ZFPM2: variants seen among roughly 807,000 people sequenced by gnomAD.
ZFPM2 encodes zinc finger protein, FOG family member 2.
In ZFPM2, 20 loss-of-function variants were observed where a neutral mutation model predicts 98.6. The ratio of observed to expected loss-of-function variants is 0.20; its 90% confidence interval spans 0.14 to 0.29. The LOEUF (loss-of-function observed/expected upper bound fraction) is 0.29. Among genes scored for constraint, ZFPM2 ranks in the 10% least tolerant of loss-of-function variants. ZFPM2 has a pLI of 1.00. For missense variants in ZFPM2, 1,310 were observed against 1,388.6 expected (o/e 0.94, Z 0.90); for synonymous variants, 518 against 502.7 (o/e 1.03, Z -0.41).
At chr8:105,795,654 T>C (rs1164851227) in intron 6 of ZFPM2, 4 of 308,368 alleles carry the variant, frequency 1.3e-5, no homozygotes, top group Non-Finnish European at 2.5e-5. Flanking sequence ...TAGAACACTT[T>C]ATATGGAGAA....
At chr8:105,559,775 T>C (rs1239579642) in intron 3 of ZFPM2, among the ~76,000 whole-genome samples, 3 of 152,012 alleles carry the variant, frequency 2.0e-5, no homozygotes, top group African/African-American at 7.2e-5. Context: ...TGAACTCAGG[T>C]TGGCAGTGTT....
At chr8:105,441,840 G>A (rs1399703660) in intron 2 of ZFPM2, among the ~76,000 whole-genome samples, 1 of 152,072 alleles carries the variant, frequency 6.6e-6, no homozygotes, top group Non-Finnish European at 1.5e-5. Flanking sequence ...AGAAGCAGGA[G>A]GAGGCTCAGT....
At chr8:105,679,730 G>A (rs993255852) in intron 5 of ZFPM2, among the ~76,000 whole-genome samples, 16 of 150,756 alleles carry the variant, frequency 1.1e-4, no homozygotes, top group African/African-American at 3.7e-4. Flanking sequence ...CTGGAAAGTC[G>A]AGGCTACAGT....
At chr8:105,577,424 A>G (rs1815490257) in intron 4 of ZFPM2, among the ~76,000 whole-genome samples, 1 of 151,610 alleles carries the variant, frequency 6.6e-6, no homozygotes, top group African/African-American at 2.4e-5. Flanking sequence ...TGTTTTTCCT[A>G]TTCTTTATAC....
intron 1 of ZFPM2, among the ~76,000 whole-genome samples, chr8:105,396,494 G>A (rs1408989125): frequency 3.9e-5 from 6 of 152,154 alleles, no homozygotes; most frequent in African/African-American, 1.4e-4. Flanking sequence ...GTTTGTGGCT[G>A]TGGGAATGAA....
At chr8:105,514,923 G>C (rs2130521788) in intron 3 of ZFPM2, among the ~76,000 whole-genome samples, 2 of 152,272 alleles carry the variant, frequency 1.3e-5, no homozygotes, top group Middle Eastern at 3.4e-3. Context: ...GAATGCATCA[G>C]AGTTAATCCT....
chr8:105,333,204 C>T (rs1330976780), intron 1 of ZFPM2, among the ~76,000 whole-genome samples: 1 of 151,698 alleles, frequency 6.6e-6, no homozygotes, highest in Non-Finnish European at 1.5e-5. Flanking sequence ...TTGAATTCAA[C>T]CTTAGACCTT....
intron 6 of ZFPM2, among the ~76,000 whole-genome samples, chr8:105,792,673 T>G (rs1328551624): frequency 6.6e-6 from 1 of 152,198 alleles, no homozygotes; most frequent in African/African-American, 2.4e-5. Context: ...CTGTCTAATG[T>G]TGACAGTGGG....
intron 1 of ZFPM2, among the ~76,000 whole-genome samples, chr8:105,364,626 T>A (rs1810474124): frequency 6.6e-6 from 1 of 150,892 alleles, no homozygotes; most frequent in Non-Finnish European, 1.5e-5. Flanking sequence ...TCTTGATAAG[T>A]CTACATATAG....
At chr8:105,741,641 T>G (rs1165398368) in intron 5 of ZFPM2, among the ~76,000 whole-genome samples, 2 of 152,072 alleles carry the variant, frequency 1.3e-5, no homozygotes, top group Admixed American at 1.3e-4. Flanking sequence ...TACAATTTTC[T>G]TAGTGGATAA....
At chr8:105,734,424 T>A (rs556645714) in intron 5 of ZFPM2, among the ~76,000 whole-genome samples, 1 of 152,120 alleles carries the variant, frequency 6.6e-6, no homozygotes, top group African/African-American at 2.4e-5. Context: ...GTGTGCTGTT[T>A]CTCTTATAGA....
chr8:105,652,874 C>G (rs986231027), intron 5 of ZFPM2, among the ~76,000 whole-genome samples: 2 of 152,092 alleles, frequency 1.3e-5, no homozygotes, highest in African/African-American at 4.8e-5. Context: ...AATTCCAGAA[C>G]TAATCATATT....
chr8:105,692,995 G>A (rs1039102695), intron 5 of ZFPM2, among the ~76,000 whole-genome samples: 2 of 152,170 alleles, frequency 1.3e-5, no homozygotes, highest in African/African-American at 2.4e-5. Context: ...AAAGTAGAAC[G>A]CAGACAGAGG....
At chr8:105,661,009 G>A (rs1057426817) in intron 5 of ZFPM2, among the ~76,000 whole-genome samples, 1 of 152,114 alleles carries the variant, frequency 6.6e-6, no homozygotes, top group East Asian at 1.9e-4. Context: ...CTGGGGACCA[G>A]GTAAAAGGTG....
chr8:105,357,472 G>T (rs1812770449), intron 1 of ZFPM2, among the ~76,000 whole-genome samples: 1 of 152,108 alleles, frequency 6.6e-6, no homozygotes, highest in Non-Finnish European at 1.5e-5. Flanking sequence ...GTAAGCAGAT[G>T]GTAAGCGTTT....
intron 1 of ZFPM2, among the ~76,000 whole-genome samples, chr8:105,413,318 A>G (rs1040172931): frequency 1.3e-5 from 2 of 151,720 alleles, no homozygotes; most frequent in African/African-American, 4.8e-5. Context: ...AACTCCTTTT[A>G]CCTATCAACT....
intron 6 of ZFPM2, among the ~76,000 whole-genome samples, chr8:105,791,275 A>G (rs1464517636): frequency 1.3e-5 from 2 of 152,044 alleles, no homozygotes; most frequent in African/African-American, 2.4e-5. Flanking sequence ...ATCAATACCT[A>G]ATTTATTGAG....
intron 2 of ZFPM2, among the ~76,000 whole-genome samples, chr8:105,425,485 A>G (rs1386564318): frequency 6.6e-6 from 1 of 152,156 alleles, no homozygotes; most frequent in South Asian, 2.1e-4. Flanking sequence ...GTTCCCTTCC[A>G]TAATAGCAGA....
At chr8:105,720,883 C>T (rs1432901200) in intron 5 of ZFPM2, among the ~76,000 whole-genome samples, 1 of 151,928 alleles carries the variant, frequency 6.6e-6, no homozygotes. Context: ...CTAGAACAGT[C>T]CCATTGTTTT....
Sources: allele counts gnomAD v4.1 joint callset (sites outside exome capture counted in the v4.1 genomes callset), GRCh38; gene constraint gnomAD v4.1.1; transcripts MANE v1.5; gene names NCBI Gene and HGNC (gene_info 2026-07-23, HGNC 2026-07-21).